RNF220: variants seen among roughly 807,000 people sequenced by gnomAD.
RNF220 encodes ring finger protein 220, also known as E3 ubiquitin-protein ligase RNF220.
RNF220 carries 7 observed loss-of-function variants against 67.1 expected under a neutral mutation model. The ratio of observed to expected loss-of-function variants is 0.10; its 90% CI spans 0.06 to 0.20. The LOEUF (loss-of-function observed/expected upper bound fraction) is 0.20. Ranked by LOEUF, RNF220 falls within the 10% of genes least tolerant of loss-of-function variation. RNF220 has a pLI of 1.00. For missense variants in RNF220, 565 were observed against 740.3 expected (o/e 0.76, Z 2.75); for synonymous variants, 270 against 283.2 (o/e 0.95, Z 0.47).
chr1:44,562,234 T>C (rs543606837), intron 2 of RNF220, among the ~76,000 whole-genome samples: 3 of 152,164 alleles, frequency 2.0e-5, no homozygotes, highest in South Asian at 2.1e-4. Flanking sequence ...CTGCTAGATA[T>C]AGGAAACCAA....
chr1:44,591,523 C>T (rs774899642), intron 2 of RNF220, among the ~76,000 whole-genome samples: 5 of 152,202 alleles, frequency 3.3e-5, no homozygotes, highest in Non-Finnish European at 4.4e-5. Context: ...CAGCTACGTC[C>T]GCCATGTCTA....
chr1:44,480,181 A>G (rs1297534855), intron 2 of RNF220, among the ~76,000 whole-genome samples: 1 of 152,180 alleles, frequency 6.6e-6, no homozygotes, highest in Non-Finnish European at 1.5e-5. Flanking sequence ...AGGCAAGTGG[A>G]TCACTTGAGT....
At chr1:44,639,601 G>A (rs1644429585) in intron 8 of RNF220, among the ~76,000 whole-genome samples, 1 of 152,202 alleles carries the variant, frequency 6.6e-6, no homozygotes, top group Non-Finnish European at 1.5e-5. Flanking sequence ...GAAAAGAAGG[G>A]TGTTAAGACA....
intron 2 of RNF220, among the ~76,000 whole-genome samples, chr1:44,481,609 A>T: frequency 6.6e-6 from 1 of 152,026 alleles, no homozygotes; most frequent in East Asian, 1.9e-4. Context: ...GCACACATAC[A>T]CCTATGGAAC....
At chr1:44,513,010 T>C (rs1659147774) in intron 2 of RNF220, among the ~76,000 whole-genome samples, 1 of 152,166 alleles carries the variant, frequency 6.6e-6, no homozygotes, top group African/African-American at 2.4e-5. Context: ...TCATTTTGCC[T>C]TTTGCTAGCA....
At chr1:44,549,778 G>A (rs187945) in intron 2 of RNF220, among the ~76,000 whole-genome samples, 129,893 of 152,230 alleles carry the variant, frequency 0.85, 57,091 homozygotes, top group Non-Finnish European at 0.97. Context: ...CCTGAATGAG[G>A]GGTCTCCAGC....
At chr1:44,483,300 C>T (rs1656002982) in intron 2 of RNF220, among the ~76,000 whole-genome samples, 1 of 152,122 alleles carries the variant, frequency 6.6e-6, no homozygotes, top group African/African-American at 2.4e-5. Flanking sequence ...TAGACCTGTT[C>T]TACCTTGCTC....
intron 2 of RNF220, among the ~76,000 whole-genome samples, chr1:44,604,009 G>C (rs1184557793): frequency 1.3e-5 from 2 of 152,362 alleles, no homozygotes; most frequent in African/African-American, 2.4e-5. Context: ...GAACCAGCAG[G>C]GGGTAAAGCA....
intron 2 of RNF220, among the ~76,000 whole-genome samples, chr1:44,501,837 C>A (rs1027574144): frequency 6.6e-5 from 10 of 152,130 alleles, no homozygotes; most frequent in Admixed American, 6.5e-4. Flanking sequence ...CTCTTACCCT[C>A]TGCTGACCCT....
intron 2 of RNF220, among the ~76,000 whole-genome samples, chr1:44,517,364 T>C (rs1343127834): frequency 6.6e-6 from 1 of 152,172 alleles, no homozygotes. Flanking sequence ...CCAGCCTCCT[T>C]ACATGACTGC....
At chr1:44,478,943 C>A (rs1008686419) in intron 2 of RNF220, among the ~76,000 whole-genome samples, 3 of 152,116 alleles carry the variant, frequency 2.0e-5, no homozygotes, top group African/African-American at 7.2e-5. Flanking sequence ...CACCCATGGA[C>A]ACTTCTGAAA....
chr1:44,617,524 T>TCCC (rs1307550412), intron 3 of RNF220, among the ~76,000 whole-genome samples: 1 of 152,270 alleles, frequency 6.6e-6, no homozygotes, highest in Non-Finnish European at 1.5e-5. Flanking sequence ...AAGGAGCGTG[T>TCCC]CAGCTCCCTC....
chr1:44,567,875 T>G (rs1381969405), intron 2 of RNF220, among the ~76,000 whole-genome samples: 1 of 152,074 alleles, frequency 6.6e-6, no homozygotes. Flanking sequence ...AAAACCTGCC[T>G]GGGGAGCCCC....
At chr1:44,636,876 C>G (rs189545625) in intron 8 of RNF220, among the ~76,000 whole-genome samples, 13 of 152,370 alleles carry the variant, frequency 8.5e-5, no homozygotes, top group Admixed American at 7.8e-4. Context: ...TGACACCCCC[C>G]ACCAGGTCAG....
At chr1:44,435,525 C>G (rs755834469) in intron 2 of RNF220, among the ~76,000 whole-genome samples, 1 of 152,174 alleles carries the variant, frequency 6.6e-6, no homozygotes, top group Non-Finnish European at 1.5e-5. Flanking sequence ...GAACAAGGCA[C>G]CAGCGTTCCT....
chr1:44,578,066 A>G (rs968925428), intron 2 of RNF220, among the ~76,000 whole-genome samples: 1 of 151,706 alleles, frequency 6.6e-6, no homozygotes, highest in Non-Finnish European at 1.5e-5. Flanking sequence ...TCAGCCTCCC[A>G]AAGTGGCTCA....
intron 2 of RNF220, among the ~76,000 whole-genome samples, chr1:44,591,660 G>A (rs1304216839): frequency 1.3e-5 from 2 of 152,158 alleles, no homozygotes; most frequent in African/African-American, 4.8e-5. Context: ...TCTAAATATT[G>A]AGGGGGCAAC....
At chr1:44,557,186 A>G (rs1252891846) in intron 2 of RNF220, among the ~76,000 whole-genome samples, 1 of 141,944 alleles carries the variant, frequency 7.0e-6, no homozygotes, top group Non-Finnish European at 1.5e-5. Flanking sequence ...TTAATATATA[A>G]TATATATTTT....
At chr1:44,572,844 A>G (rs1558055529) in intron 2 of RNF220, among the ~76,000 whole-genome samples, 4 of 151,908 alleles carry the variant, frequency 2.6e-5, no homozygotes, top group Admixed American at 1.3e-4. Context: ...TGGCCCTATA[A>G]TTTTGCACCA....
Sources: allele counts gnomAD v4.1 joint callset (sites outside exome capture counted in the v4.1 genomes callset), GRCh38; gene constraint gnomAD v4.1.1; transcripts MANE v1.5; gene names NCBI Gene and HGNC (gene_info 2026-07-23, HGNC 2026-07-21).